ADAM28: variants seen among roughly 807,000 people sequenced by gnomAD.
ADAM28 encodes disintegrin and metalloproteinase domain-containing protein 28.
In ADAM28, 105 loss-of-function variants were observed where a neutral mutation model predicts 101.2. The observed-to-expected ratio is 1.04, with a 90% CI of 0.89 to 1.22. ADAM28 has a LOEUF of 1.22. Ranked by LOEUF, ADAM28 falls within the 50% of genes most tolerant of loss-of-function variation. The probability of loss-of-function intolerance (pLI) is 0.00; values close to 1 mark genes in which losing one functional copy is unlikely to be tolerated. For synonymous variants in ADAM28, 322 were observed against 310.6 expected, an observed-to-expected ratio of 1.04 and a Z score of -0.39; for missense variants, 1,028 against 945.4, an observed-to-expected ratio of 1.09 and a Z score of -1.15.
intron 17 of ADAM28, 107 bp downstream of exon 17, chr8:24,343,288 C>G (rs767133256): frequency 7.3e-7 from 1 of 1,368,336 alleles, no homozygotes; most frequent in Non-Finnish European, 1.0e-6. Context: ...ATGATAATTA[C>G]TAAGTTTATC....
intron 6 of ADAM28, among the ~76,000 whole-genome samples, chr8:24,317,449 A>G (rs1246631647): frequency 6.6e-6 from 1 of 152,068 alleles, no homozygotes; most frequent in Non-Finnish European, 1.5e-5. Flanking sequence ...TAGTCTCTTC[A>G]ATAAATAGTG....
At chr8:24,299,897 T>A in intron 1 of ADAM28, 77 bp from the exon 2 acceptor site, 3 of 1,000,588 alleles carry the variant, frequency 3.0e-6, no homozygotes, top group Non-Finnish European at 4.5e-6. Flanking sequence ...TCATTGGGAA[T>A]GCAGTAAGGA....
chr8:24,323,347 A>G (rs907992793), intron 8 of ADAM28, among the ~76,000 whole-genome samples: 3 of 151,980 alleles, frequency 2.0e-5, no homozygotes, highest in African/African-American at 7.2e-5. Context: ...CATTCAAACT[A>G]TAGCGACTAC....
chr8:24,326,242 G>C (rs767918972), intron 9 of ADAM28, among the ~76,000 whole-genome samples: 1 of 151,952 alleles, frequency 6.6e-6, no homozygotes, highest in Non-Finnish European at 1.5e-5. Context: ...GATACATGTA[G>C]ACAGATGTTT....
intron 5 of ADAM28, among the ~76,000 whole-genome samples, chr8:24,312,571 C>A (rs866083469): frequency 2.6e-5 from 4 of 151,974 alleles, no homozygotes; most frequent in South Asian, 4.1e-4. Flanking sequence ...ATTTTATGTA[C>A]ATTTAATTCA....
intron 10 of ADAM28, among the ~76,000 whole-genome samples, chr8:24,328,523 G>A (rs971994718): frequency 1.3e-5 from 2 of 151,964 alleles, no homozygotes; most frequent in African/African-American, 4.8e-5. Context: ...AGAGAAACTG[G>A]CCTACCTAAA....
Position 24,351,317 on chromosome 8 carries a change from T to C in ADAM28, c.2178+7T>C. ...GGCTGTTCAACCCCAAGAGGTGAAC[T>C]ATATAGTCTGGGCTGTGATTACCAT... On this transcript the variant is annotated splice_region_variant and intron_variant, in intron 20 of 22. Transcript: ENST00000265769. 1 of 1,612,714 alleles carries C rather than the reference T, an allele frequency of 6.2e-7. No individual in the cohort carries two copies. Among genetic ancestry groups the C allele is most frequent in the Non-Finnish European group, 8.5e-7 (1 of 1,178,818 alleles).
intron 16 of ADAM28, chr8:24,342,825 C>G (rs570768163): frequency 2.6e-6 from 1 of 386,058 alleles, no homozygotes; most frequent in African/African-American, 2.0e-5. Context: ...TATTGCTTAT[C>G]CCTTAACTTC....
Position 24,355,982 on chromosome 8 carries a change from C to G in ADAM28, c.*1578C>G, listed in dbSNP as rs530554663. The G allele has an allele frequency of 6.6e-6, 1 of 152,106 alleles. No individual in the cohort carries two copies. The highest frequency in any genetic ancestry group is 2.4e-5 in the African/African-American group (1 of 41,406). The allele number at this position is 152,106 out of a possible 1,614,324, so 9.4% of individuals were successfully genotyped here. On this transcript the variant is annotated 3_prime_UTR_variant, in exon 23 of 23. Transcript: ENST00000265769. ...ACTTACCTGGTCCCCACAGGCCTGTCGCTTCATGAGGAACTTTATGGTTCA... is the reference window on the plus strand; with the variant it reads ...ACTTACCTGGTCCCCACAGGCCTGTGGCTTCATGAGGAACTTTATGGTTCA...
chr8:24,306,932 T>G (rs1014849441), intron 2 of ADAM28, among the ~76,000 whole-genome samples: 1 of 152,210 alleles, frequency 6.6e-6, no homozygotes, highest in Non-Finnish European at 1.5e-5. Context: ...ATATCACAGT[T>G]GTTTTACAAA....
chr8:24,359,005 A>G lies in ADAM28; in HGVS notation c.*4601A>G, dbSNP rs939637045. On this transcript the variant is annotated 3_prime_UTR_variant, in exon 23 of 23. Coordinates refer to ENST00000265769, the MANE Select transcript of ADAM28 (RefSeq NM_014265.6). ...TCTGGACAAATCACAAATATAAAAT[A>G]CTTATTTAATTTTCTTCTGTAAAAA... 1 of 152,200 alleles carries G rather than the reference A, an allele frequency of 6.6e-6. No homozygotes were observed. The highest frequency in any genetic ancestry group is 2.4e-5 in the African/African-American group (1 of 41,450). The allele number at this position is 152,200 out of a possible 1,614,324, so 9.4% of individuals were successfully genotyped here.
Position 24,355,077 on chromosome 8 carries a change from A to ATGTT in ADAM28, c.*676_*679dup. On this transcript the variant is annotated 3_prime_UTR_variant, in exon 23 of 23. Coordinates refer to ENST00000265769, the MANE Select transcript of ADAM28 (RefSeq NM_014265.6). ...GTTGCGAACTGGTGACCTGTAGGCC[A>ATGTT]TGTTTGCACTGCAAATATATTTGGT... 1 of 152,706 alleles carries ATGTT rather than the reference A, an allele frequency of 6.5e-6. No individual in the cohort carries two copies. Among genetic ancestry groups the ATGTT allele is most frequent in the East Asian group, 1.9e-4 (1 of 5,194 alleles). 9.5% of individuals were successfully genotyped at this position (152,706 alleles called of 1,614,324 possible).
intron 18 of ADAM28, among the ~76,000 whole-genome samples, chr8:24,346,015 T>C (rs958120974): frequency 5.9e-5 from 9 of 152,042 alleles, no homozygotes; most frequent in Admixed American, 4.6e-4. Flanking sequence ...ATTTCTTATC[T>C]AACCATCAAG....
intron 15 of ADAM28, 108 bp from the exon 16 acceptor site, chr8:24,341,490 G>C (rs1814756660): frequency 4.4e-6 from 5 of 1,127,824 alleles, no homozygotes; most frequent in African/African-American, 1.6e-5. Context: ...GTACAACTAA[G>C]AGTCTCGGCT....
At chr8:24,329,320 A>G (rs1010374060) in intron 10 of ADAM28, among the ~76,000 whole-genome samples, 5 of 152,126 alleles carry the variant, frequency 3.3e-5, no homozygotes, top group African/African-American at 1.2e-4. Flanking sequence ...CTGTAGGTGG[A>G]TGTTACTGGC....
intron 14 of ADAM28, among the ~76,000 whole-genome samples, chr8:24,338,406 A>C (rs77392100): frequency 0.18 from 26,719 of 152,084 alleles, 2,461 homozygotes; most frequent in East Asian, 0.35. Flanking sequence ...CTGAAGTCTC[A>C]GATTAGGAAT....
chr8:24,327,022 C>G (rs1812708269), intron 10 of ADAM28, among the ~76,000 whole-genome samples: 1 of 152,026 alleles, frequency 6.6e-6, no homozygotes, highest in Non-Finnish European at 1.5e-5. Context: ...TCCTATTTAA[C>G]ATAGTATTGG....
At chr8:24,334,718 CG>C (rs1389288990) in intron 13 of ADAM28, among the ~76,000 whole-genome samples, 8 of 152,086 alleles carry the variant, frequency 5.3e-5, no homozygotes, top group African/African-American at 1.9e-4. Context: ...AGTTATTTGA[CG>C]CATTGAAAAC....
intron 22 of ADAM28, 89 bp from the exon 23 acceptor site, chr8:24,354,295 A>C (rs1289464826): frequency 8.6e-7 from 1 of 1,165,804 alleles, no homozygotes; most frequent in East Asian, 2.6e-5. Flanking sequence ...ACTTCAGATA[A>C]TTTTAATTTC....
Sources: gnomAD v4.1 joint callset for allele counts (sites outside exome capture counted in the v4.1 genomes callset) on GRCh38, gnomAD v4.1.1 for gene constraint, MANE v1.5 for transcripts, NCBI Gene and HGNC (gene_info 2026-07-23, HGNC 2026-07-21) for gene names.